The following TRHDE variants were observed in gnomAD, a reference collection of about 807,000 sequenced individuals.
The protein encoded by TRHDE is thyrotropin releasing hormone degrading enzyme.
In TRHDE, 72 loss-of-function variants were observed where a neutral mutation model predicts 125.7. That is an observed-to-expected ratio of 0.57 (90% CI 0.47 to 0.70). The LOEUF (loss-of-function observed/expected upper bound fraction) is 0.70, where lower values mean the gene tolerates loss of function less well. Ranked by LOEUF, TRHDE falls within the 30% of genes least tolerant of loss-of-function variation. The pLI is 0.00. For missense variants in TRHDE, 1,110 were observed against 1,327.1 expected (o/e 0.84, Z 2.54); for synonymous variants, 509 against 509.1 (o/e 1.00, Z 0.00).
At chr12:72,640,376 G>A (rs537402961) in intron 15 of TRHDE, among the ~76,000 whole-genome samples, 24 of 152,318 alleles carry the variant, frequency 1.6e-4, no homozygotes, top group East Asian at 3.9e-4. Context: ...CGCACGGTGC[G>A]TGCACCCACT....
intron 7 of TRHDE, among the ~76,000 whole-genome samples, chr12:72,546,518 A>T (rs1473571391): frequency 6.6e-6 from 1 of 151,626 alleles, no homozygotes; most frequent in Non-Finnish European, 1.5e-5. Flanking sequence ...TCTGAAAATG[A>T]TTAACTATCA....
intron 2 of TRHDE, among the ~76,000 whole-genome samples, chr12:72,168,279 C>T (rs1238127595): frequency 2.6e-5 from 4 of 152,156 alleles, no homozygotes; most frequent in South Asian, 2.1e-4. Flanking sequence ...TTTTCAGGCT[C>T]TCTTGCAGCT....
chr12:72,654,222 C>T (rs1301135471), intron 17 of TRHDE, among the ~76,000 whole-genome samples: 1 of 152,090 alleles, frequency 6.6e-6, no homozygotes, highest in Non-Finnish European at 1.5e-5. Flanking sequence ...AATCAGCGTT[C>T]AGGGCAATGC....
intron 2 of TRHDE, among the ~76,000 whole-genome samples, chr12:72,288,149 T>G (rs183141641): frequency 2.6e-5 from 4 of 152,272 alleles, no homozygotes; most frequent in Admixed American, 6.5e-5. Context: ...AAATTCAGAT[T>G]GTGATTCTTC....
chr12:72,191,105 G>T (rs989690715), intron 2 of TRHDE, among the ~76,000 whole-genome samples: 1 of 152,110 alleles, frequency 6.6e-6, no homozygotes, highest in African/African-American at 2.4e-5. Context: ...AAAAAAGTAA[G>T]ACAGTGGTTG....
chr12:72,268,501 T>C (rs1346478867), upstream of TRHDE, among the ~76,000 whole-genome samples: 1 of 152,050 alleles, frequency 6.6e-6, no homozygotes, highest in African/African-American at 2.4e-5. Flanking sequence ...TTGAGTCCAT[T>C]AAGTACTGGG....
At chr12:72,550,999 C>A (rs1869646507) in intron 7 of TRHDE, among the ~76,000 whole-genome samples, 1 of 151,738 alleles carries the variant, frequency 6.6e-6, no homozygotes, top group Non-Finnish European at 1.5e-5. Flanking sequence ...TTCATTTATT[C>A]TTTTATAACA....
intron 18 of TRHDE, among the ~76,000 whole-genome samples, chr12:72,661,259 G>T (rs1874905710): frequency 6.6e-6 from 1 of 152,036 alleles, no homozygotes; most frequent in African/African-American, 2.4e-5. Context: ...CTTTGAGGAG[G>T]ACTTAAGAGT....
intron 12 of TRHDE, among the ~76,000 whole-genome samples, chr12:72,576,876 G>A (rs1351878287): frequency 6.6e-6 from 1 of 152,022 alleles, no homozygotes; most frequent in Non-Finnish European, 1.5e-5. Context: ...ACCAATTAAT[G>A]TATTTGTGTA....
Position 72,184,214 on chromosome 12 carries a change from G to C in TRHDE, n.279+78462G>C, listed in dbSNP as rs146384735. The stretch of plus-strand genomic sequence containing the variant: ...CTACCCTTAGGGGCAGAGGGTCTTC[G>C]GTGCCTGGGGTCTTCTTTTCTGCTG... On this transcript the variant is annotated intron_variant and non_coding_transcript_variant, in intron 2 of 4. Transcript: ENST00000548156. 2.8e-4 allele frequency among the ~76,000 whole-genome samples: 43 copies of C among 152,148 alleles called. 1 individual carries two copies. In the East Asian group the frequency reaches 8.3e-3, roughly 29 times the overall value.
chr12:72,560,127 A>C (rs11179250), intron 7 of TRHDE, among the ~76,000 whole-genome samples: 40,203 of 151,800 alleles, frequency 0.26, 7,994 homozygotes, highest in African/African-American at 0.54. Context: ...TAAAAAAGGG[A>C]AACTTTAAAA....
At chr12:72,321,619 C>G (rs2135710904) in intron 2 of TRHDE, among the ~76,000 whole-genome samples, 1 of 152,154 alleles carries the variant, frequency 6.6e-6, no homozygotes, top group East Asian at 1.9e-4. Flanking sequence ...CATTTCAAAG[C>G]CTTTTCTCTA....
intron 3 of TRHDE, among the ~76,000 whole-genome samples, chr12:72,456,607 G>A (rs1875866689): frequency 6.6e-6 from 1 of 152,002 alleles, no homozygotes; most frequent in Non-Finnish European, 1.5e-5. Context: ...TATTAACTGT[G>A]GTGGTAGGAA....
intron 5 of TRHDE, among the ~76,000 whole-genome samples, chr12:72,477,649 A>G (rs1251738614): frequency 4.6e-5 from 7 of 152,230 alleles, no homozygotes; most frequent in Admixed American, 4.6e-4. Context: ...AGAGATAAAA[A>G]GAAGGACTGA....
intron 2 of TRHDE, among the ~76,000 whole-genome samples, chr12:72,304,190 T>C (rs1477550494): frequency 6.6e-6 from 1 of 152,190 alleles, no homozygotes. Flanking sequence ...TTTTAGAGTC[T>C]TTAGATTTAT....
intron 2 of TRHDE, chr12:72,139,975 C>T (rs1250046440): frequency 6.6e-6 from 1 of 152,148 alleles, no homozygotes; most frequent in African/African-American, 2.4e-5. Flanking sequence ...CAATAACATA[C>T]CAACGTGACA....
chr12:72,389,987 A>T (rs1872562788), intron 3 of TRHDE, among the ~76,000 whole-genome samples: 3 of 152,098 alleles, frequency 2.0e-5, no homozygotes, highest in Admixed American at 2.0e-4. Context: ...TTAAAAGGAG[A>T]ATCAACAGGA....
rs190734865 is a variant in TRHDE at position 72,123,554 on chromosome 12, A to G, written n.279+17802A>G. Among the ~76,000 whole-genome samples, 16 of 152,210 alleles carry G rather than the reference A, an allele frequency of 1.1e-4. No homozygotes were observed. In the East Asian group the frequency reaches 3.1e-3, roughly 29 times the overall value. Reference sequence around the variant, plus strand: ...ACATGATGTGTATATACTTTTTATCATAATGTCTTCTCATCCTTGAAATTT... The same window carrying G: ...ACATGATGTGTATATACTTTTTATCGTAATGTCTTCTCATCCTTGAAATTT... On this transcript the variant is annotated intron_variant and non_coding_transcript_variant, in intron 2 of 4. Transcript: ENST00000548156.
chr12:72,412,241 T>C (rs1419323091), intron 3 of TRHDE, among the ~76,000 whole-genome samples: 1 of 151,988 alleles, frequency 6.6e-6, no homozygotes, highest in Non-Finnish European at 1.5e-5. Context: ...GAAAGACAAA[T>C]ATCCAGGACT....
Sources: allele counts gnomAD v4.1 joint callset (sites outside exome capture counted in the v4.1 genomes callset), GRCh38; gene constraint gnomAD v4.1.1; transcripts MANE v1.5; gene names NCBI Gene and HGNC (gene_info 2026-07-23, HGNC 2026-07-21).